GLS: variants seen among roughly 807,000 people sequenced by gnomAD.
GLS encodes the protein glutaminase kidney isoform, mitochondrial.
A neutral mutation model predicts 86.7 loss-of-function variants in GLS; 36 were observed. The ratio of observed to expected loss-of-function variants is 0.42; its 90% CI spans 0.32 to 0.55. The LOEUF (loss-of-function observed/expected upper bound fraction) is 0.55. Ranked by LOEUF, GLS falls within the 20% of genes least tolerant of loss-of-function variation. The pLI, the probability that GLS is intolerant of heterozygous loss-of-function variation, is 0.17. For missense variants in GLS, 528 were observed against 833.4 expected, an observed-to-expected ratio of 0.63 and a Z score of 4.51; for synonymous variants, 317 against 305.9, an observed-to-expected ratio of 1.04 and a Z score of -0.38.
At chr2:190,901,478 A>G (rs1688936031) in intron 4 of GLS, among the ~76,000 whole-genome samples, 1 of 152,036 alleles carries the variant, frequency 6.6e-6, no homozygotes, top group South Asian at 2.1e-4. Context: ...ATCTGCATAT[A>G]ATTGCACTGT....
In GLS at chr2:190,951,489, AAG is replaced by A. The variant is rs1281531011; in HGVS notation, c.1651-2075_1651-2074del. 6.6e-6 allele frequency among the ~76,000 whole-genome samples: 1 copy of A among 152,150 alleles called. No homozygotes were observed. Among genetic ancestry groups the A allele is most frequent in the Non-Finnish European group, 1.5e-5 (1 of 67,986 alleles). On this transcript the variant is annotated intron_variant, in intron 14 of 17. Transcript: ENST00000320717. The surrounding 1 kb of genome is among the most constrained non-coding windows in gnomAD (Gnocchi z 4.2). The stretch of plus-strand genomic sequence containing the variant: ...GGAAAAGTTAAAGATGCTAGAAACA[AAG>A]GGGATCAGTGAGGGAACAAGAACAG...
intron 12 of GLS, among the ~76,000 whole-genome samples, chr2:190,929,971 G>A (rs538925450): frequency 1.8e-4 from 27 of 151,502 alleles, no homozygotes; most frequent in African/African-American, 5.1e-4. Flanking sequence ...TCAGCCTCCC[G>A]AGTAGTTGGG....
intron 1 of GLS, among the ~76,000 whole-genome samples, chr2:190,885,173 C>T (rs553629847): frequency 3.3e-5 from 5 of 151,802 alleles, no homozygotes; most frequent in Admixed American, 6.6e-5. Context: ...AGAAAATCAT[C>T]GAGGTGTATA....
At chr2:190,937,872 C>A (rs2124927683) in intron 14 of GLS, among the ~76,000 whole-genome samples, 2 of 136,054 alleles carry the variant, frequency 1.5e-5, no homozygotes, top group Admixed American at 7.8e-5. Context: ...ATTTCATTCA[C>A]CAGTAAATTA....
intron 1 of GLS, among the ~76,000 whole-genome samples, chr2:190,882,701 A>T (rs1688243086): frequency 1.3e-5 from 2 of 152,228 alleles, no homozygotes; most frequent in Admixed American, 1.3e-4. Context: ...TTTGAAAAAA[A>T]TCACTTGATG....
chr2:190,889,644 G>A (rs531856844), intron 1 of GLS, among the ~76,000 whole-genome samples: 1 of 152,268 alleles, frequency 6.6e-6, no homozygotes, highest in Admixed American at 6.5e-5. Flanking sequence ...AACTAACAGA[G>A]TTGGATGTTA....
chr2:190,916,259 A>T (rs944532574), intron 7 of GLS, among the ~76,000 whole-genome samples: 1 of 152,202 alleles, frequency 6.6e-6, no homozygotes, highest in Non-Finnish European at 1.5e-5. Context: ...AAAAATTCAA[A>T]CATACAAAAT....
Position 190,943,481 on chromosome 2 carries a change from G to A in GLS, c.1651-10084G>A, listed in dbSNP as rs1263683939. ...GCCAGAGAAGAGAAAATCCAGCATAGTGCAATATCAGCAGTCAAGGAAAGA... is the reference window on the plus strand; with the variant it reads ...GCCAGAGAAGAGAAAATCCAGCATAATGCAATATCAGCAGTCAAGGAAAGA... On this transcript the variant is annotated intron_variant, in intron 14 of 17. Transcript: ENST00000320717. This position sits in a 1 kb window ranked among gnomAD's most constrained non-coding sequence, Gnocchi z 4.5. 6.6e-6 allele frequency among the ~76,000 whole-genome samples: 1 copy of A among 152,146 alleles called. No homozygotes were observed. Among genetic ancestry groups the A allele is most frequent in the African/African-American group, 2.4e-5 (1 of 41,426 alleles).
intron 3 of GLS, among the ~76,000 whole-genome samples, chr2:190,899,589 T>A (rs2124836597): frequency 1.3e-5 from 2 of 152,240 alleles, no homozygotes; most frequent in Middle Eastern, 6.8e-3. Flanking sequence ...TAAGATTTAT[T>A]ATCGTTGGTA....
intron 1 of GLS, chr2:190,881,840 A>G: frequency 1.0e-5 from 2 of 197,242 alleles, no homozygotes; most frequent in South Asian, 1.2e-4. Flanking sequence ...CGCCCCAGCC[A>G]TTCGTGGGCG....
At chr2:190,945,729 G>C (rs1690562902) in intron 14 of GLS, among the ~76,000 whole-genome samples, 1 of 151,990 alleles carries the variant, frequency 6.6e-6, no homozygotes, top group South Asian at 2.1e-4. Context: ...ACTTAGCAAA[G>C]TCAAGAACAG....
intron 1 of GLS, among the ~76,000 whole-genome samples, chr2:190,881,759 C>T (rs984585595): frequency 1.3e-5 from 2 of 152,138 alleles, no homozygotes; most frequent in African/African-American, 4.8e-5. Context: ...GTCCCCAGCG[C>T]CAGAGAGGCC....
chr2:190,895,201 AC>A lies in GLS; in HGVS notation c.437del (p.Thr146LysfsTer30). On this transcript the variant is annotated frameshift_variant, in exon 2 of 18. Transcript: ENST00000320717. LOFTEE classifies it high-confidence loss of function. This position sits in a 1 kb window ranked among gnomAD's most constrained non-coding sequence, Gnocchi z 4.2. ...TAGCTTGGAAGATTTGCTGTTCTAT[AC>A]AATTGCTGAAGGACAAGAGAAAATA... ...LPSLEDLLFY[T>X]IAEGQEKIPV... 1 of 1,555,724 alleles carries A rather than the reference AC, an allele frequency of 6.4e-7. No individual in the cohort carries two copies. The highest frequency in any genetic ancestry group is 8.8e-7 in the Non-Finnish European group (1 of 1,129,956).
At chr2:190,919,167 A>G (rs1033063385) in intron 7 of GLS, among the ~76,000 whole-genome samples, 3 of 152,184 alleles carry the variant, frequency 2.0e-5, no homozygotes, top group Non-Finnish European at 4.4e-5. Flanking sequence ...GAAGCTCAAT[A>G]AAATGAGGTG....
At chr2:190,929,086 A>G (rs1484966604) in intron 12 of GLS, among the ~76,000 whole-genome samples, 2 of 151,228 alleles carry the variant, frequency 1.3e-5, no homozygotes, top group Non-Finnish European at 1.5e-5. Context: ...CCTGGGTTCT[A>G]GCAATTCTCC....
In GLS at chr2:190,910,461, T is replaced by C. The variant is rs952702526; in HGVS notation, c.1038+140T>C. ...TTAAGAAATTTGTCTTATGGTATAG[T>C]GTTAGGATCTTTATTTCAAAATAAA... On this transcript the variant is annotated intron_variant, in intron 7 of 17. Coordinates refer to ENST00000320717, the MANE Select transcript of GLS (RefSeq NM_014905.5). 3.2e-4 allele frequency: 163 copies of C among 510,554 alleles called. 1 individual carries two copies. The highest frequency in any genetic ancestry group is 4.8e-4 in the Non-Finnish European group (137 of 282,728). The allele number at this position is 510,554 out of a possible 1,614,324, so 31.6% of individuals were successfully genotyped here.
In GLS at chr2:190,895,418, G is replaced by A; in HGVS notation, c.483+170G>A. On this transcript the variant is annotated intron_variant, in intron 2 of 17. Coordinates refer to ENST00000320717, the MANE Select transcript of GLS (RefSeq NM_014905.5). The surrounding 1 kb of genome is among the most constrained non-coding windows in gnomAD (Gnocchi z 4.2). ...TCATGCTCATTTCAAGGTAATCAGT[G>A]AAAGAAAAAGAAAGAAACAATGAGA... 1 of 544,752 alleles carries A rather than the reference G, an allele frequency of 1.8e-6. No homozygotes were observed. Among genetic ancestry groups the A allele is most frequent in the Non-Finnish European group, 3.2e-6 (1 of 310,532 alleles). 33.7% of individuals were successfully genotyped at this position (544,752 alleles called of 1,614,324 possible). A position where few individuals can be genotyped will look rare whatever the true frequency, so the allele number is the denominator to read the frequency against.
chr2:190,931,965 GAACAA>G (rs1182647458), intron 14 of GLS, among the ~76,000 whole-genome samples: 1 of 151,788 alleles, frequency 6.6e-6, no homozygotes, highest in Non-Finnish European at 1.5e-5. Flanking sequence ...GTTAAAAAAA[GAACAA>G]AACAAAACAT....
chr2:190,949,201 G>A lies in GLS; in HGVS notation c.1651-4364G>A, dbSNP rs1466148599. On this transcript the variant is annotated intron_variant, in intron 14 of 17. Coordinates refer to ENST00000320717, the MANE Select transcript of GLS (RefSeq NM_014905.5). This position sits in a 1 kb window ranked among gnomAD's most constrained non-coding sequence, Gnocchi z 4.0. Reference sequence around the variant, plus strand: ...ACTGAAGAACCTTGAATACAAGGCTGAAGAACTTAAATGTTATCAGGAATG... The same window carrying A: ...ACTGAAGAACCTTGAATACAAGGCTAAAGAACTTAAATGTTATCAGGAATG... Among the ~76,000 whole-genome samples the A allele has an allele frequency of 1.3e-5, 2 of 152,140 alleles. No homozygotes were observed. The highest frequency in any genetic ancestry group is 2.9e-5 in the Non-Finnish European group (2 of 68,000).
Sources: allele counts gnomAD v4.1 joint callset (sites outside exome capture counted in the v4.1 genomes callset), GRCh38; gene constraint gnomAD v4.1.1; non-coding constraint Gnocchi (gnomAD v3.1); transcripts MANE v1.5; gene names NCBI Gene and HGNC (gene_info 2026-07-23, HGNC 2026-07-21).